C2orf42: variants seen among roughly 807,000 people sequenced by gnomAD.
The protein encoded by C2orf42 is chromosome 2 open reading frame 42.
C2orf42 carries 44 observed loss-of-function variants against 58.9 expected under a neutral mutation model. The ratio of observed to expected loss-of-function variants is 0.75; its 90% CI spans 0.59 to 0.96. The LOEUF is 0.96. C2orf42 is among the 40% of genes least tolerant of loss of function. C2orf42 has a pLI of 0.00. For missense variants in C2orf42, 630 were observed against 699.2 expected (o/e 0.90, Z 1.12); for synonymous variants, 239 against 265.4 (o/e 0.90, Z 0.97).
At chr2:70,178,206 T>G (rs1038128221) in intron 4 of C2orf42, among the ~76,000 whole-genome samples, 1 of 152,216 alleles carries the variant, frequency 6.6e-6, no homozygotes, top group African/African-American at 2.4e-5. Flanking sequence ...ATTTTCATTT[T>G]GTTTAGACTC....
chr2:70,189,184 ATCAC>A, intron 1 of C2orf42, among the ~76,000 whole-genome samples: 3 of 147,186 alleles, frequency 2.0e-5, no homozygotes, highest in Non-Finnish European at 4.5e-5. Context: ...AGGCAGGCGG[ATCAC>A]CTGAGGTCGG....
At chr2:70,181,091 A>C (rs1487118615) in intron 3 of C2orf42, 72 bp downstream of exon 3, 10 of 809,314 alleles carry the variant, frequency 1.2e-5, no homozygotes, top group Non-Finnish European at 7.9e-6. Flanking sequence ...GACAATCTCC[A>C]AATGCATCAG....
intron 1 of C2orf42, among the ~76,000 whole-genome samples, chr2:70,189,202 T>C (rs995756735): frequency 1.4e-5 from 2 of 145,370 alleles, no homozygotes; most frequent in Admixed American, 7.0e-5. Flanking sequence ...AGGTCGGGAG[T>C]TCCTGACCAG....
At chr2:70,189,583 G>T (rs1307775028) in intron 1 of C2orf42, among the ~76,000 whole-genome samples, 1 of 151,110 alleles carries the variant, frequency 6.6e-6, no homozygotes, top group African/African-American at 2.4e-5. Flanking sequence ...TGGGCGAGGT[G>T]GCGGGCGCCT....
rs145895072 is a variant in C2orf42, at chr2:70,179,621, G to C, written c.845C>G (p.Pro282Arg). ...TGATTCTGAATGGCAACCTAACTGG[G>C]GTACAATAATCTCTTTAAGACCTAA... is the stretch of plus-strand genomic sequence containing the variant. Reference protein sequence around the residue: ...DSSGLKEIIVPQLGCHSESTV... With the variant: ...DSSGLKEIIVRQLGCHSESTV... Residue 282 changes from proline to arginine, a missense_variant, in exon 4 of 10, where the codon CCC (proline) becomes CGC (arginine). Coordinates refer to ENST00000264434, the MANE Select transcript of C2orf42 (RefSeq NM_017880.3). 96 of 1,492,156 alleles carry C rather than the reference G, an allele frequency of 6.4e-5. No individual in the cohort carries two copies. Among genetic ancestry groups the C allele is most frequent in the Non-Finnish European group, 8.2e-5 (88 of 1,071,026 alleles). 92.4% of individuals were successfully genotyped at this position (1,492,156 alleles called of 1,614,324 possible). A position where few individuals can be genotyped will look rare whatever the true frequency, so the allele number is the denominator to read the frequency against.
intron 5 of C2orf42, among the ~76,000 whole-genome samples, chr2:70,171,638 G>A (rs1276022510): frequency 6.6e-6 from 1 of 151,938 alleles, no homozygotes; most frequent in East Asian, 2.0e-4. Flanking sequence ...AGCCTCCTGA[G>A]TAGCTGGGAT....
In C2orf42 at chr2:70,160,781, A is replaced by G. The variant is rs749309237; in HGVS notation, c.1360T>C (p.Leu454=). The G allele has an allele frequency of 6.3e-7, 1 of 1,594,960 alleles. No homozygotes were observed. The highest frequency in any genetic ancestry group is 1.1e-5 in the South Asian group (1 of 87,484). The change falls in exon 9 of 10, where the codon TTG becomes CTG. Residue 454 remains leucine, a synonymous_variant. Transcript: ENST00000264434. ...KQILDTPEMP[L]EITRSFIQNR... is the part of the protein sequence containing the mutation. ...TGGATAAAGCTACGGGTGATTTCCA[A>G]GGGCATCTGGACACCAAGACAATAC... is the stretch of plus-strand genomic sequence containing the variant.
At position 70,164,505 on chromosome 2, in the gene C2orf42, G is replaced by T. The variant is rs552321055; in HGVS notation, c.1353+587C>A. Among the ~76,000 whole-genome samples the T allele has an allele frequency of 2.5e-3, 383 of 152,068 alleles. 3 individuals are homozygous for T. The highest frequency in any genetic ancestry group is 8.9e-3 in the African/African-American group (368 of 41,498). On this transcript the variant is annotated intron_variant, in intron 8 of 9. Transcript: ENST00000264434. The stretch of plus-strand genomic sequence containing the variant: ...AAATTAGCCGGGTATGGTGGCACGT[G>T]CCTGTAATCCCAGCTAGCCGGGGGG...
chr2:70,150,370 T>C lies in C2orf42; in HGVS notation c.1711A>G (p.Ile571Val), dbSNP rs1672229661. Residue 571 changes from isoleucine (I) to valine (V), a missense_variant, in exon 10 of 10, where the codon ATT (isoleucine) becomes GTT (valine). Coordinates refer to ENST00000264434, the MANE Select transcript of C2orf42 (RefSeq NM_017880.3). ...CTTGTTTTGCTTTAAGGGAAAGTAA[T>C]AGTGGTCAGAGGGGCCAGTTCCAAG... ...QPLELAPLTT[I>V]TFP 1 of 1,613,806 alleles carries C rather than the reference T, an allele frequency of 6.2e-7. No individual in the cohort carries two copies.
In C2orf42 at chr2:70,165,248, T is replaced by C. The variant is rs933732248; in HGVS notation, c.1253-56A>G. ...TACCAAAAAATAACATTTTCTTTTG[T>C]TGTATTTGTTACCTAGTTTCTAATA... On this transcript the variant is annotated intron_variant, in intron 7 of 9. Coordinates refer to ENST00000264434, the MANE Select transcript of C2orf42 (RefSeq NM_017880.3). 35 of 1,017,676 alleles carry C rather than the reference T, an allele frequency of 3.4e-5. No individual in the cohort carries two copies. In the East Asian group the frequency reaches 6.7e-4, roughly 20 times the overall value. 63.0% of individuals were successfully genotyped at this position (1,017,676 alleles called of 1,614,324 possible). A position where few individuals can be genotyped will look rare whatever the true frequency, so the allele number is the denominator to read the frequency against.
chr2:70,178,085 C>A (rs1674310574), intron 4 of C2orf42, among the ~76,000 whole-genome samples: 1 of 152,136 alleles, frequency 6.6e-6, no homozygotes, highest in African/African-American at 2.4e-5. Flanking sequence ...ACAAACTTTG[C>A]TAATTTGGTA....
chr2:70,172,334 T>C (rs1673880845), intron 5 of C2orf42, among the ~76,000 whole-genome samples: 1 of 151,950 alleles, frequency 6.6e-6, no homozygotes, highest in Non-Finnish European at 1.5e-5. Flanking sequence ...CATCTGGATA[T>C]CTCCAAATTC....
chr2:70,187,550 T>C (rs1034142532), intron 1 of C2orf42, among the ~76,000 whole-genome samples: 3 of 151,876 alleles, frequency 2.0e-5, no homozygotes, highest in African/African-American at 7.3e-5. Flanking sequence ...CTGTGCCCAG[T>C]CTTTTCTTTT....
intron 3 of C2orf42, 41 bp downstream of exon 3, chr2:70,181,122 T>G (rs1187627256): frequency 1.6e-6 from 2 of 1,247,974 alleles, no homozygotes; most frequent in Non-Finnish European, 2.2e-6. Flanking sequence ...TTCATTGCAG[T>G]TTTAGAAAAA....
intron 8 of C2orf42, among the ~76,000 whole-genome samples, chr2:70,163,714 A>C (rs769742173): frequency 3.1e-4 from 47 of 151,578 alleles, no homozygotes; most frequent in Non-Finnish European, 6.2e-4. Context: ...GCCAGGCATG[A>C]TGGTGCGTGC....
chr2:70,163,720 C>T (rs1572986729), intron 8 of C2orf42, among the ~76,000 whole-genome samples: 1 of 151,756 alleles, frequency 6.6e-6, no homozygotes, highest in Admixed American at 6.6e-5. Context: ...CATGATGGTG[C>T]GTGCCTATAG....
At chr2:70,183,935 A>T (rs1335980591) in intron 1 of C2orf42, among the ~76,000 whole-genome samples, 1 of 151,828 alleles carries the variant, frequency 6.6e-6, no homozygotes, top group African/African-American at 2.4e-5. Context: ...CCTCCCAAGT[A>T]GCTGAAACTA....
chr2:70,163,524 C>A (rs1373170437), intron 8 of C2orf42, among the ~76,000 whole-genome samples: 1 of 151,692 alleles, frequency 6.6e-6, no homozygotes. Flanking sequence ...TGATTACAGG[C>A]GTGAGCCACC....
rs1351705183 is a variant in C2orf42, at chr2:70,179,520, C to T, written c.934+12G>A. On this transcript the variant is annotated intron_variant, in intron 4 of 9. Transcript: ENST00000264434. ...AAGACAATACCACCAAACCAACCAA[C>T]CAGACTCTTACCAGATACTTCATCC... The T allele has an allele frequency of 3.5e-6, 4 of 1,152,804 alleles. No individual in the cohort carries two copies. Among genetic ancestry groups the T allele is most frequent in the Non-Finnish European group, 5.2e-6 (4 of 768,782 alleles). 71.4% of individuals were successfully genotyped at this position (1,152,804 alleles called of 1,614,324 possible). A position where few individuals can be genotyped will look rare whatever the true frequency, so the allele number is the denominator to read the frequency against.
Sources: gnomAD v4.1 joint callset for allele counts (sites outside exome capture counted in the v4.1 genomes callset) on GRCh38, gnomAD v4.1.1 for gene constraint, MANE v1.5 for transcripts, NCBI Gene and HGNC (gene_info 2026-07-23, HGNC 2026-07-21) for gene names.